Variants in PRKCE observed in about 807,000 individuals in gnomAD.
PRKCE encodes the protein protein kinase C epsilon type.
In PRKCE, 16 loss-of-function variants were observed where a neutral mutation model predicts 85.4. The ratio of observed to expected loss-of-function variants is 0.19; its 90% CI spans 0.13 to 0.28. The LOEUF (loss-of-function observed/expected upper bound fraction) is 0.28, where lower values mean the gene tolerates loss of function less well. PRKCE is among the 10% of genes least tolerant of loss of function. PRKCE has a pLI of 1.00. For synonymous variants in PRKCE, 388 were observed against 371.5 expected, an observed-to-expected ratio of 1.04 and a Z score of -0.51; for missense variants, 573 against 975.2, an observed-to-expected ratio of 0.59 and a Z score of 5.49.
intron 11 of PRKCE, among the ~76,000 whole-genome samples, chr2:46,092,894 T>C (rs1276065242): frequency 6.6e-6 from 1 of 152,256 alleles, no homozygotes; most frequent in African/African-American, 2.4e-5. Flanking sequence ...TAGTTAAACC[T>C]GAGTTAATAA....
At chr2:45,959,058 G>A (rs576212846) in intron 2 of PRKCE, among the ~76,000 whole-genome samples, 7 of 151,338 alleles carry the variant, frequency 4.6e-5, no homozygotes, top group East Asian at 1.9e-4. Flanking sequence ...ATTAAGTTGC[G>A]GGTAGTTCTT....
At chr2:45,927,737 G>A (rs768989401) in intron 2 of PRKCE, among the ~76,000 whole-genome samples, 1 of 152,176 alleles carries the variant, frequency 6.6e-6, no homozygotes, top group East Asian at 1.9e-4. Flanking sequence ...TTGAATATTT[G>A]TTTTCCCATT....
chr2:45,966,352 G>A (rs190284800), intron 2 of PRKCE, among the ~76,000 whole-genome samples: 43 of 152,228 alleles, frequency 2.8e-4, no homozygotes, highest in Non-Finnish European at 5.0e-4. Context: ...CACATGTGAG[G>A]TACTACCTTG....
At chr2:46,151,009 A>G (rs1007387658) in intron 12 of PRKCE, 32 bp from the exon 13 acceptor site, 1 of 1,575,626 alleles carries the variant, frequency 6.3e-7, no homozygotes, top group Non-Finnish European at 8.6e-7. Flanking sequence ...GGAGCCTTTG[A>G]TGGTGCCTGA....
intron 1 of PRKCE, among the ~76,000 whole-genome samples, chr2:45,791,129 G>A (rs1472693778): frequency 6.6e-6 from 1 of 152,170 alleles, no homozygotes; most frequent in African/African-American, 2.4e-5. Flanking sequence ...GCTGGTAGAG[G>A]TGCCTCTGAC....
At chr2:46,178,282 A>G (rs907522736) in intron 14 of PRKCE, among the ~76,000 whole-genome samples, 1 of 152,240 alleles carries the variant, frequency 6.6e-6, no homozygotes, top group African/African-American at 2.4e-5. Context: ...GAGCACTGCC[A>G]TGGACTCCCA....
chr2:45,836,743 T>G (rs553272921), intron 1 of PRKCE, among the ~76,000 whole-genome samples: 11 of 152,082 alleles, frequency 7.2e-5, no homozygotes, highest in Non-Finnish European at 1.0e-4. Flanking sequence ...CTCTCCACCC[T>G]CCTCCAAGTA....
intron 2 of PRKCE, among the ~76,000 whole-genome samples, chr2:45,853,923 G>T (rs1252267998): frequency 6.6e-6 from 1 of 152,130 alleles, no homozygotes; most frequent in Admixed American, 6.5e-5. Context: ...TGTTTATTTA[G>T]CTACTTCTTT....
chr2:46,116,771 C>G (rs1316730603), intron 11 of PRKCE, among the ~76,000 whole-genome samples: 3 of 151,868 alleles, frequency 2.0e-5, no homozygotes, highest in Non-Finnish European at 4.4e-5. Context: ...CCTTGAAGGT[C>G]TGGCTAGAGA....
chr2:45,964,425 C>T (rs1457017270), intron 2 of PRKCE, among the ~76,000 whole-genome samples: 1 of 152,204 alleles, frequency 6.6e-6, no homozygotes, highest in Admixed American at 6.5e-5. Context: ...GATTCTGGTC[C>T]CACCCTTGGC....
chr2:46,169,110 G>A lies in PRKCE; in HGVS notation c.2067+9358G>A, dbSNP rs552209811. 9.5e-4 allele frequency among the ~76,000 whole-genome samples: 145 copies of A among 152,300 alleles called. 1 individual carries two copies. Among genetic ancestry groups the A allele is most frequent in the African/African-American group, 3.4e-3 (140 of 41,562 alleles). ...CACTTTGCAAGCTGACTGGGGGGGT[G>A]TGTTCTGCCCACATCAAGTGGAGGA... is the stretch of plus-strand genomic sequence containing the variant. On this transcript the variant is annotated intron_variant, in intron 14 of 14. Coordinates refer to ENST00000306156, the MANE Select transcript of PRKCE (RefSeq NM_005400.3).
intron 1 of PRKCE, among the ~76,000 whole-genome samples, chr2:45,839,168 G>C (rs928802371): frequency 6.6e-6 from 1 of 152,050 alleles, no homozygotes; most frequent in South Asian, 2.1e-4. Flanking sequence ...GGTGCCAAGT[G>C]CTTTGCATGT....
intron 6 of PRKCE, among the ~76,000 whole-genome samples, chr2:45,992,625 A>G (rs1168752251): frequency 6.6e-6 from 1 of 152,228 alleles, no homozygotes; most frequent in Non-Finnish European, 1.5e-5. Context: ...CAAGGGCCAA[A>G]TTACCCCAAC....
rs1051898669 is a variant in PRKCE at position 45,962,667 on chromosome 2, C to T, written c.413-13762C>T. On this transcript the variant is annotated intron_variant, in intron 2 of 14. Coordinates refer to ENST00000306156, the MANE Select transcript of PRKCE (RefSeq NM_005400.3). ...CTCATATCACTATAGAAGACAGCTC[C>T]GGGGGAGAGAGGAGTTGCCAAGCCT... 4.9e-4 allele frequency among the ~76,000 whole-genome samples: 74 copies of T among 152,214 alleles called. 1 individual carries two copies. The highest frequency in any genetic ancestry group is 4.2e-3 in the Admixed American group (64 of 15,292).
chr2:45,950,428 T>C (rs1700542384), intron 2 of PRKCE, among the ~76,000 whole-genome samples: 1 of 152,224 alleles, frequency 6.6e-6, no homozygotes, highest in South Asian at 2.1e-4. Flanking sequence ...AAATGAAATT[T>C]TCTGGCAGAA....
chr2:46,023,089 CA>C lies in PRKCE; in HGVS notation c.1437+12593del, dbSNP rs397984467. Among the ~76,000 whole-genome samples the C allele has an allele frequency of 1.4e-3, 103 of 71,502 alleles. 1 individual carries two copies. Among genetic ancestry groups the C allele is most frequent in the East Asian group, 5.4e-3 (13 of 2,394 alleles). The allele number at this position is 71,502 out of a possible 152,430, so 46.9% of individuals were successfully genotyped here. On this transcript the variant is annotated intron_variant, in intron 10 of 14. Transcript: ENST00000306156. Reference sequence around the variant, plus strand: ...TGGGCGACAGAGCGAGACTCCGTCTCAAAAAAAAAAAAAAAAAAAAATCATC... The same window carrying C: ...TGGGCGACAGAGCGAGACTCCGTCTCAAAAAAAAAAAAAAAAAAAATCATC...
At chr2:45,930,445 A>G (rs972134928) in intron 2 of PRKCE, among the ~76,000 whole-genome samples, 10 of 152,216 alleles carry the variant, frequency 6.6e-5, no homozygotes, top group African/African-American at 2.4e-4. Context: ...TCTTACAAAC[A>G]TAAGGCATGT....
chr2:45,990,160 T>G (rs911534228), intron 6 of PRKCE, among the ~76,000 whole-genome samples: 10 of 152,196 alleles, frequency 6.6e-5, no homozygotes, highest in African/African-American at 2.4e-4. Flanking sequence ...TCAGTCAAGC[T>G]GAGAGCTGGG....
chr2:45,790,940 G>A (rs545496610), intron 1 of PRKCE, among the ~76,000 whole-genome samples: 10 of 152,314 alleles, frequency 6.6e-5, no homozygotes, highest in South Asian at 6.2e-4. Context: ...ACCTGATTAA[G>A]GACCTCTAGA....
Sources: allele counts gnomAD v4.1 joint callset (sites outside exome capture counted in the v4.1 genomes callset), GRCh38; gene constraint gnomAD v4.1.1; transcripts MANE v1.5; gene names NCBI Gene and HGNC (gene_info 2026-07-23, HGNC 2026-07-21).